Variants in FGF10 observed in about 807,000 individuals in gnomAD.
FGF10 encodes the protein FGF-10.
In FGF10, 2 loss-of-function variants were observed where a neutral mutation model predicts 19.8. The observed-to-expected ratio is 0.10, with a 90% CI of 0.04 to 0.32. The LOEUF is 0.32. FGF10 is among the 10% of genes least tolerant of loss of function. FGF10 has a pLI of 1.00. For synonymous variants in FGF10, 112 were observed against 94.0 expected, an observed-to-expected ratio of 1.19 and a Z score of -1.10; for missense variants, 191 against 246.3, an observed-to-expected ratio of 0.78 and a Z score of 1.50.
intron 1 of FGF10, among the ~76,000 whole-genome samples, chr5:44,315,557 GAA>G (rs1340055742): frequency 2.0e-5 from 3 of 152,124 alleles, no homozygotes; most frequent in African/African-American, 7.2e-5. Flanking sequence ...GTGAAACGTG[GAA>G]AGTCTCATTA....
In FGF10 at chr5:44,344,325, T is replaced by C. The variant is rs139408243; in HGVS notation, c.326-33795A>G. ...TAAATTCAGGCAGATGATAATACCA[T>C]GTCTGAATAAAGACAAACTGTTAGG... is the stretch of plus-strand genomic sequence containing the variant. On this transcript the variant is annotated intron_variant, in intron 1 of 2. Transcript: ENST00000264664. Among the ~76,000 whole-genome samples the C allele has an allele frequency of 9.9e-4, 150 of 152,116 alleles. 2 individuals carry two copies. In the East Asian group the frequency reaches 0.028, roughly 29 times the overall value.
Position 44,301,138 on chromosome 5 carries a change from T to A in FGF10, c.*3857A>T, listed in dbSNP as rs1739957184. ...CTCTTCCTTTTTATTTTTTTTTCAGTTTAAGTTGGAAAAGTCCTGCTTCAT... is the reference window on the plus strand; with the variant it reads ...CTCTTCCTTTTTATTTTTTTTTCAGATTAAGTTGGAAAAGTCCTGCTTCAT... On this transcript the variant is annotated 3_prime_UTR_variant, in exon 3 of 3. Transcript: ENST00000264664. 6.6e-6 allele frequency among the ~76,000 whole-genome samples: 1 copy of A among 152,080 alleles called. No homozygotes were observed. The highest frequency in any genetic ancestry group is 1.5e-5 in the Non-Finnish European group (1 of 68,000).
At chr5:44,380,452 G>A (rs1469349238) in intron 1 of FGF10, among the ~76,000 whole-genome samples, 1 of 152,014 alleles carries the variant, frequency 6.6e-6, no homozygotes, top group African/African-American at 2.4e-5. Flanking sequence ...CCTAGTAAAG[G>A]CATACGTATT....
chr5:44,388,602 C>G lies in FGF10; in HGVS notation c.81G>C (p.Leu27=), dbSNP rs1381282549. ...PGCCCCCFLL[L]FLVSSVPVTC... is the part of the protein sequence containing the mutation. Reference sequence around the variant, plus strand: ...TGACAGGGACGGAAGACACCAAGAACAGCAACAAAAAGCAGCAGCAGCAGC... The same window carrying G: ...TGACAGGGACGGAAGACACCAAGAAGAGCAACAAAAAGCAGCAGCAGCAGC... The change falls in exon 1 of 3, where the codon CTG becomes CTC. Residue 27 remains leucine, a synonymous_variant. Transcript: ENST00000264664. 6.2e-7 allele frequency: 1 copy of G among 1,613,942 alleles called. No individual in the cohort carries two copies. Among genetic ancestry groups the G allele is most frequent in the African/African-American group, 1.3e-5 (1 of 74,878 alleles).
chr5:44,315,410 G>A (rs1262091344), intron 1 of FGF10, among the ~76,000 whole-genome samples: 1 of 152,008 alleles, frequency 6.6e-6, no homozygotes, highest in African/African-American at 2.4e-5. Context: ...AAGAGCTCAA[G>A]TGCTTGAGCC....
chr5:44,373,871 C>G (rs1741798090), intron 1 of FGF10, among the ~76,000 whole-genome samples: 1 of 152,134 alleles, frequency 6.6e-6, no homozygotes, highest in African/African-American at 2.4e-5. Flanking sequence ...CTTATGTCCA[C>G]TGTCCACGTC....
intron 1 of FGF10, 90 bp from the exon 2 acceptor site, chr5:44,310,620 TTG>T: frequency 1.0e-6 from 1 of 979,384 alleles, no homozygotes; most frequent in Non-Finnish European, 1.6e-6. Context: ...GAGTTGTTTT[TTG>T]TGTGGTTCTA....
chr5:44,336,425 G>A (rs1415477154), intron 1 of FGF10, among the ~76,000 whole-genome samples: 1 of 152,088 alleles, frequency 6.6e-6, no homozygotes, highest in Non-Finnish European at 1.5e-5. Context: ...TACTTACTGT[G>A]ATCAAAATTA....
intron 2 of FGF10, 43 bp from the exon 3 acceptor site, chr5:44,305,235 A>G (rs764398688): frequency 1.3e-6 from 2 of 1,575,630 alleles, no homozygotes; most frequent in African/African-American, 2.7e-5. Context: ...TGGTGATTGT[A>G]CTTGATTTCA....
At chr5:44,384,626 C>T (rs1348966228) in intron 1 of FGF10, among the ~76,000 whole-genome samples, 2 of 152,022 alleles carry the variant, frequency 1.3e-5, no homozygotes, top group East Asian at 3.9e-4. Context: ...GGCTTGAATC[C>T]TGGTTCTGCC....
chr5:44,386,378 A>G (rs781205514), intron 1 of FGF10, among the ~76,000 whole-genome samples: 1 of 152,152 alleles, frequency 6.6e-6, no homozygotes, highest in Non-Finnish European at 1.5e-5. Flanking sequence ...CTGAAACTTT[A>G]TCATATTCTT....
At chr5:44,314,859 C>G (rs1740299452) in intron 1 of FGF10, among the ~76,000 whole-genome samples, 1 of 151,992 alleles carries the variant, frequency 6.6e-6, no homozygotes, top group African/African-American at 2.4e-5. Context: ...AAGTTTCTCA[C>G]TAAATATTTT....
At chr5:44,315,854 T>G (rs956931456) in intron 1 of FGF10, among the ~76,000 whole-genome samples, 2 of 152,120 alleles carry the variant, frequency 1.3e-5, no homozygotes, top group African/African-American at 4.8e-5. Flanking sequence ...CATACCATAG[T>G]GTGAGTCTAA....
intron 1 of FGF10, among the ~76,000 whole-genome samples, chr5:44,313,463 A>G (rs949737388): frequency 6.6e-5 from 10 of 152,176 alleles, no homozygotes; most frequent in Middle Eastern, 3.4e-3. Flanking sequence ...ATTTTGAATC[A>G]AAACTAAATG....
At chr5:44,349,211 T>G (rs1393267047) in intron 1 of FGF10, among the ~76,000 whole-genome samples, 1 of 150,584 alleles carries the variant, frequency 6.6e-6, no homozygotes, top group African/African-American at 2.4e-5. Flanking sequence ...CTCTATAATC[T>G]TTTGCCTCAT....
At position 44,317,825 on chromosome 5, in the gene FGF10, G is replaced by A. The variant is rs373787848; in HGVS notation, c.326-7295C>T. ...AATTACTTATCAATATTGTAATAAT[G>A]TCATGTTTTCAAACATTATCCTCTC... On this transcript the variant is annotated intron_variant, in intron 1 of 2. Coordinates refer to ENST00000264664, the MANE Select transcript of FGF10 (RefSeq NM_004465.2). 1.4e-4 allele frequency among the ~76,000 whole-genome samples: 22 copies of A among 152,086 alleles called. No individual in the cohort carries two copies. The South Asian group carries it at 4.6e-3, about 32-fold the overall frequency.
chr5:44,345,144 T>A (rs577176100), intron 1 of FGF10, among the ~76,000 whole-genome samples: 2 of 152,026 alleles, frequency 1.3e-5, no homozygotes, highest in Admixed American at 6.6e-5. Context: ...CATCATAATG[T>A]AGGTATAATG....
At position 44,302,417 on chromosome 5, in the gene FGF10, G is replaced by C. The variant is rs144824583; in HGVS notation, c.*2578C>G. Among the ~76,000 whole-genome samples, 7 of 151,690 alleles carry C rather than the reference G, an allele frequency of 4.6e-5. No individual in the cohort carries two copies. The East Asian group carries it at 1.4e-3, about 29-fold the overall frequency. ...TTTTTCACCCAGGCTGGAGTGCAAT[G>C]GCAAGATTATAGCTCACTGCAGCCT... On this transcript the variant is annotated 3_prime_UTR_variant, in exon 3 of 3. Coordinates refer to ENST00000264664, the MANE Select transcript of FGF10 (RefSeq NM_004465.2).
chr5:44,313,003 G>A (rs1740248380), intron 1 of FGF10, among the ~76,000 whole-genome samples: 1 of 152,086 alleles, frequency 6.6e-6, no homozygotes, highest in African/African-American at 2.4e-5. Flanking sequence ...TGCTTTACCT[G>A]AAATGGGAGC....
Sources: gnomAD v4.1 joint callset for allele counts (sites outside exome capture counted in the v4.1 genomes callset) on GRCh38, gnomAD v4.1.1 for gene constraint, MANE v1.5 for transcripts, NCBI Gene and HGNC (gene_info 2026-07-23, HGNC 2026-07-21) for gene names.